The following NIPSNAP2 variants were observed in gnomAD, a reference collection of about 807,000 sequenced individuals.
NIPSNAP2 encodes the protein protein NipSnap homolog 2.
A neutral mutation model predicts 48.4 loss-of-function variants in NIPSNAP2; 42 were observed. The observed-to-expected ratio is 0.87, with a 90% CI of 0.68 to 1.12. The LOEUF is 1.12. NIPSNAP2 is among the 50% of genes most tolerant of loss of function. NIPSNAP2 has a pLI of 0.00. For missense variants in NIPSNAP2, 314 were observed against 347.3 expected, an observed-to-expected ratio of 0.90 and a Z score of 0.76; for synonymous variants, 158 against 126.6, an observed-to-expected ratio of 1.25 and a Z score of -1.67.
intron 7 of NIPSNAP2, among the ~76,000 whole-genome samples, chr7:55,988,824 C>T (rs1787385437): frequency 6.6e-6 from 1 of 151,948 alleles, no homozygotes; most frequent in Non-Finnish European, 1.5e-5. Flanking sequence ...AAGGTCACGC[C>T]TCTGCACTCC....
At chr7:55,998,320 G>T (rs945501578) in intron 9 of NIPSNAP2, among the ~76,000 whole-genome samples, 3 of 151,706 alleles carry the variant, frequency 2.0e-5, no homozygotes, top group Non-Finnish European at 2.9e-5. Context: ...TAGAAAGTAG[G>T]TGTTACCTTG....
intron 1 of NIPSNAP2, among the ~76,000 whole-genome samples, chr7:55,969,206 C>T (rs1786962573): frequency 6.6e-6 from 1 of 151,950 alleles, no homozygotes; most frequent in African/African-American, 2.4e-5. Context: ...GGTGTGGGAA[C>T]AGGTCTCTGG....
chr7:55,975,301 C>T (rs982028065), intron 1 of NIPSNAP2, among the ~76,000 whole-genome samples: 2 of 151,804 alleles, frequency 1.3e-5, no homozygotes, highest in South Asian at 2.1e-4. Context: ...TGCAGTGAGC[C>T]GTGATCACAC....
chr7:55,992,458 C>G (rs1432255693), intron 7 of NIPSNAP2, among the ~76,000 whole-genome samples: 1 of 152,158 alleles, frequency 6.6e-6, no homozygotes, highest in Non-Finnish European at 1.5e-5. Context: ...CCACTGTACT[C>G]CGGCCTGGGT....
intron 1 of NIPSNAP2, among the ~76,000 whole-genome samples, chr7:55,977,322 C>T (rs1439568524): frequency 4.6e-5 from 7 of 151,942 alleles, no homozygotes; most frequent in African/African-American, 9.7e-5. Context: ...ACCTGGGAGG[C>T]GGAGGTTGCA....
At chr7:55,990,672 A>G (rs1323362020) in intron 7 of NIPSNAP2, among the ~76,000 whole-genome samples, 2 of 152,052 alleles carry the variant, frequency 1.3e-5, no homozygotes, top group South Asian at 2.1e-4. Flanking sequence ...GGGAGGCCAC[A>G]TGGTGCTGAG....
At chr7:55,975,302 G>A (rs909180346) in intron 1 of NIPSNAP2, among the ~76,000 whole-genome samples, 1 of 151,602 alleles carries the variant, frequency 6.6e-6, no homozygotes, top group Non-Finnish European at 1.5e-5. Flanking sequence ...GCAGTGAGCC[G>A]TGATCACACC....
chr7:55,990,476 C>T (rs952448896), intron 7 of NIPSNAP2, among the ~76,000 whole-genome samples: 6 of 152,198 alleles, frequency 3.9e-5, no homozygotes, highest in Non-Finnish European at 7.3e-5. Flanking sequence ...CATGATCCGC[C>T]TGCCTCGGCC....
At chr7:55,972,929 C>T (rs907935544) in intron 1 of NIPSNAP2, among the ~76,000 whole-genome samples, 3 of 151,952 alleles carry the variant, frequency 2.0e-5, no homozygotes, top group Non-Finnish European at 4.4e-5. Context: ...ATGGTGAAAC[C>T]CTGTCTCTAC....
At chr7:55,997,141 A>G (rs1389527356) in intron 8 of NIPSNAP2, among the ~76,000 whole-genome samples, 1 of 151,338 alleles carries the variant, frequency 6.6e-6, no homozygotes, top group Non-Finnish European at 1.5e-5. Context: ...GCTGGTTGAC[A>G]GAGTGACCTT....
intron 1 of NIPSNAP2, among the ~76,000 whole-genome samples, chr7:55,976,965 G>A (rs1487117513): frequency 6.6e-6 from 1 of 152,110 alleles, no homozygotes. Context: ...CTCACTTTCT[G>A]AAAGCATTCA....
intron 7 of NIPSNAP2, among the ~76,000 whole-genome samples, chr7:55,986,055 TAAAATA>T (rs972128160): frequency 7.7e-4 from 117 of 151,572 alleles, no homozygotes; most frequent in Admixed American, 4.8e-3. Context: ...TTCAAAAAAA[TAAAATA>T]AAAATAAAAA....
At chr7:55,971,176 C>T (rs896463787) in intron 1 of NIPSNAP2, among the ~76,000 whole-genome samples, 8 of 152,108 alleles carry the variant, frequency 5.3e-5, no homozygotes, top group South Asian at 4.1e-4. Flanking sequence ...TTTGGGCAGC[C>T]GTTGGCATAG....
intron 1 of NIPSNAP2, among the ~76,000 whole-genome samples, chr7:55,967,470 A>AT (rs576112052): frequency 3.0e-4 from 44 of 147,966 alleles, no homozygotes; most frequent in South Asian, 1.3e-3. Flanking sequence ...TGACTAAAGA[A>AT]TTTTTTTTTT....
intron 9 of NIPSNAP2, 70 bp downstream of exon 9, chr7:55,997,519 C>CT: frequency 2.5e-6 from 3 of 1,216,760 alleles, no homozygotes; most frequent in Non-Finnish European, 2.4e-6. Flanking sequence ...CACCCTGACA[C>CT]TAATAGGTGG....
At chr7:55,992,178 G>A (rs934438943) in intron 7 of NIPSNAP2, among the ~76,000 whole-genome samples, 3 of 152,062 alleles carry the variant, frequency 2.0e-5, no homozygotes, top group African/African-American at 7.2e-5. Context: ...AAGCGCTTGG[G>A]TAAGGTTCCC....
rs11464121 is a variant in NIPSNAP2, at chr7:55,996,285, CA to C, written c.713-1065del. ...TGGGCAACAGAGCAAGACTCCGTCT[CA>C]AAAAAAAAAAAAAAAGAAAAGAAAC... On this transcript the variant is annotated intron_variant, in intron 8 of 9. Coordinates refer to ENST00000322090, the MANE Select transcript of NIPSNAP2 (RefSeq NM_001483.3). Among the ~76,000 whole-genome samples the C allele has an allele frequency of 1.3e-3, 138 of 109,668 alleles. 1 individual carries two copies. The highest frequency in any genetic ancestry group is 2.5e-3 in the African/African-American group (68 of 27,014). The allele number at this position is 109,668 out of a possible 152,430, so 71.9% of individuals were successfully genotyped here.
At chr7:55,967,050 G>T (rs566843726) in intron 1 of NIPSNAP2, among the ~76,000 whole-genome samples, 1 of 152,348 alleles carries the variant, frequency 6.6e-6, no homozygotes, top group African/African-American at 2.4e-5. Context: ...CCTCCCGGGA[G>T]CCTCATCCCT....
At chr7:55,994,767 C>T (rs1787522835) in intron 7 of NIPSNAP2, 127 bp from the exon 8 acceptor site, 2 of 739,164 alleles carry the variant, frequency 2.7e-6, no homozygotes, top group Non-Finnish European at 4.8e-6. Flanking sequence ...TAACTTGATA[C>T]CAGTTTGATA....
Sources: allele counts gnomAD v4.1 joint callset (sites outside exome capture counted in the v4.1 genomes callset), GRCh38; gene constraint gnomAD v4.1.1; transcripts MANE v1.5; gene names NCBI Gene and HGNC (gene_info 2026-07-23, HGNC 2026-07-21).